Variants in FANK1 observed in about 807,000 individuals in gnomAD.
The protein encoded by FANK1 is fibronectin type 3 and ankyrin repeat domains protein 1.
FANK1 carries 44 observed loss-of-function variants against 45.3 expected under a neutral mutation model. The observed-to-expected ratio is 0.97, with a 90% CI of 0.76 to 1.25. The LOEUF (loss-of-function observed/expected upper bound fraction) is 1.25. Ranked by LOEUF, FANK1 falls within the 50% of genes most tolerant of loss-of-function variation. FANK1 has a pLI of 0.00. For missense variants in FANK1, 391 were observed against 424.4 expected (o/e 0.92, Z 0.69); for synonymous variants, 149 against 152.5 (o/e 0.98, Z 0.17).
chr10:125,929,834 C>CATAGGGTGTA (rs1238431532), intron 1 of FANK1, among the ~76,000 whole-genome samples: 5 of 151,876 alleles, frequency 3.3e-5, no homozygotes, highest in Non-Finnish European at 2.9e-5. Context: ...TATGAGTTTA[C>CATAGGGTGTA]CCTCTACTTG....
intron 1 of FANK1, among the ~76,000 whole-genome samples, chr10:125,977,343 G>C (rs1223285886): frequency 6.6e-6 from 1 of 150,418 alleles, no homozygotes; most frequent in African/African-American, 2.5e-5. Flanking sequence ...TGGTTTCAGA[G>C]GGGGGTATGT....
rs147445847 is a variant in FANK1 at position 125,989,853 on chromosome 10, G to C, written c.316+1178G>C. On this transcript the variant is annotated intron_variant, in intron 3 of 10. Transcript: ENST00000368693. ...TGCAGGAGAAGGGGCAGGAGGAAGA[G>C]GTGGCAAAGGGAGTCAGGCATATGA... 2.8e-4 allele frequency among the ~76,000 whole-genome samples: 43 copies of C among 152,306 alleles called. No individual in the cohort carries two copies. The East Asian group carries it at 6.0e-3, about 21-fold the overall frequency.
intron 2 of FANK1, chr10:125,980,961 G>A (rs182611096): frequency 1.3e-5 from 2 of 152,496 alleles, no homozygotes; most frequent in East Asian, 1.9e-4. Flanking sequence ...ACCTTGTTTT[G>A]TATGCCACAT....
intron 1 of FANK1, among the ~76,000 whole-genome samples, chr10:125,927,473 C>T (rs1376820544): frequency 6.6e-6 from 1 of 152,026 alleles, no homozygotes; most frequent in Non-Finnish European, 1.5e-5. Flanking sequence ...TAATATTGCA[C>T]AATATGTTTA....
In FANK1 at chr10:126,009,581, C is replaced by T; in HGVS notation, c.*143C>T. 1.2e-6 allele frequency: 1 copy of T among 842,436 alleles called. No homozygotes were observed. The highest frequency in any genetic ancestry group is 1.8e-6 in the Non-Finnish European group (1 of 546,152). 52.2% of individuals were successfully genotyped at this position (842,436 alleles called of 1,614,324 possible). On this transcript the variant is annotated 3_prime_UTR_variant, in exon 11 of 11. Transcript: ENST00000368693. Reference sequence around the variant, plus strand: ...TCACTGATCCCACTTTGAAATACATCTTTTTACCTAAGCATGTGCGTATGT... The same window carrying T: ...TCACTGATCCCACTTTGAAATACATTTTTTTACCTAAGCATGTGCGTATGT...
Position 125,919,291 on chromosome 10 carries a change from C to T in FANK1, c.13+22636C>T, listed in dbSNP as rs543661537. 1.6e-3 allele frequency among the ~76,000 whole-genome samples: 229 copies of T among 141,506 alleles called. 1 individual carries two copies. Among genetic ancestry groups the T allele is most frequent in the Admixed American group, 5.0e-3 (67 of 13,418 alleles). The allele number at this position is 141,506 out of a possible 152,430, so 92.8% of individuals were successfully genotyped here. On this transcript the variant is annotated intron_variant, in intron 1 of 10. Transcript: ENST00000368693. ...CATGATCTTGGCTCACTGCAACCTC[C>T]GCTTCCCGGTTTCAAGCAATTCTCC...
At chr10:125,910,050 A>C (rs1362454039) in intron 1 of FANK1, among the ~76,000 whole-genome samples, 13 of 152,064 alleles carry the variant, frequency 8.5e-5, no homozygotes, top group Admixed American at 2.6e-4. Flanking sequence ...TAAAAAAAAA[A>C]CTACTAGTTA....
intron 1 of FANK1, among the ~76,000 whole-genome samples, chr10:125,930,432 G>T (rs963503175): frequency 1.4e-4 from 22 of 151,940 alleles, no homozygotes; most frequent in African/African-American, 5.3e-4. Context: ...AACCTCCCTG[G>T]CTCAAGCAAT....
intron 1 of FANK1, among the ~76,000 whole-genome samples, chr10:125,915,394 G>A (rs1946369697): frequency 6.6e-6 from 1 of 151,980 alleles, no homozygotes; most frequent in African/African-American, 2.4e-5. Context: ...TGCATAAGTG[G>A]CTTTGCCACA....
chr10:125,959,353 A>G (rs1162142762), intron 1 of FANK1, among the ~76,000 whole-genome samples: 1 of 145,824 alleles, frequency 6.9e-6, no homozygotes, highest in Non-Finnish European at 1.5e-5. Flanking sequence ...GGCTGAGGTT[A>G]CAAGGAACTG....
intron 1 of FANK1, among the ~76,000 whole-genome samples, chr10:125,962,470 T>C (rs932290534): frequency 9.2e-5 from 14 of 152,218 alleles, no homozygotes; most frequent in Non-Finnish European, 2.1e-4. Flanking sequence ...CTGCTTGATA[T>C]TGTCCTTTAG....
At chr10:126,005,461 C>A (rs1256493199) in intron 7 of FANK1, among the ~76,000 whole-genome samples, 1 of 152,084 alleles carries the variant, frequency 6.6e-6, no homozygotes, top group Non-Finnish European at 1.5e-5. Flanking sequence ...GCACATGCCA[C>A]CATGCCCAAC....
intron 1 of FANK1, among the ~76,000 whole-genome samples, chr10:125,975,163 A>C (rs889436828): frequency 1.3e-5 from 2 of 152,198 alleles, no homozygotes; most frequent in Admixed American, 6.5e-5. Flanking sequence ...ATGTTCCCGC[A>C]CAAGACCTGA....
intron 1 of FANK1, among the ~76,000 whole-genome samples, chr10:125,903,656 C>A (rs1945237349): frequency 6.6e-6 from 1 of 151,458 alleles, no homozygotes; most frequent in Admixed American, 6.6e-5. Context: ...ATGTCGAGAC[C>A]CCATCTCTAA....
chr10:125,980,221 T>C lies in FANK1; in HGVS notation c.74T>C (p.Ile25Thr), dbSNP rs76258390. 6 of 1,614,118 alleles carry C rather than the reference T, an allele frequency of 3.7e-6. No individual in the cohort carries two copies. The African/African-American group carries it at 5.3e-5, about 14-fold the overall frequency. The change falls in exon 2 of 11, where the codon ATT (isoleucine) becomes ACT (threonine). Residue 25 changes from isoleucine to threonine, a missense_variant. Physicochemically the swap from Ile to Thr is moderately conservative, Grantham distance 89. Transcript: ENST00000368693. Reference protein sequence around the residue: ...PVVGKVTHHSIELYWDLEKKA... With the variant: ...PVVGKVTHHSTELYWDLEKKA... Reference sequence around the variant, plus strand: ...GTGGGCAAAGTGACTCATCACAGCATTGAATTATACTGGGATCTGGAAAAG... The same window carrying C: ...GTGGGCAAAGTGACTCATCACAGCACTGAATTATACTGGGATCTGGAAAAG...
chr10:125,964,128 CCT>C (rs1950078335), intron 1 of FANK1, among the ~76,000 whole-genome samples: 1 of 151,142 alleles, frequency 6.6e-6, no homozygotes. Context: ...TTTTCCTCTT[CCT>C]CTGTCTGTGA....
At chr10:125,980,599 A>G in intron 2 of FANK1, 2 of 389,132 alleles carry the variant, frequency 5.1e-6, no homozygotes, top group Non-Finnish European at 9.3e-6. Flanking sequence ...GAATGTAGAG[A>G]CAGACTCAAA....
chr10:125,984,723 T>G lies in FANK1; in HGVS notation c.192-3828T>G, dbSNP rs111272416. On this transcript the variant is annotated intron_variant, in intron 2 of 10. Transcript: ENST00000368693. ...AAGTCTGGTAACTGAGTCTTGGGGC[T>G]TTTCAATATTTATTTAGCTTCTTAT... Among the ~76,000 whole-genome samples, 77 of 152,334 alleles carry G rather than the reference T, an allele frequency of 5.1e-4. 1 individual carries two copies. The East Asian group carries it at 0.015, about 29-fold the overall frequency.
At chr10:125,917,237 A>G (rs1211125245) in intron 1 of FANK1, among the ~76,000 whole-genome samples, 2 of 152,246 alleles carry the variant, frequency 1.3e-5, no homozygotes, top group Non-Finnish European at 2.9e-5. Context: ...GTCTACTTGA[A>G]TCAGCGGAAG....
Sources: gnomAD v4.1 joint callset for allele counts (sites outside exome capture counted in the v4.1 genomes callset) on GRCh38, gnomAD v4.1.1 for gene constraint, MANE v1.5 for transcripts, NCBI Gene and HGNC (gene_info 2026-07-23, HGNC 2026-07-21) for gene names.